NFIB: variants seen among roughly 807,000 people sequenced by gnomAD.
The protein encoded by NFIB is nuclear factor 1 B-type.
A neutral mutation model predicts 61.5 loss-of-function variants in NFIB; 11 were observed. The observed-to-expected ratio is 0.18, with a 90% CI of 0.11 to 0.30. NFIB has a LOEUF of 0.30. Among genes scored for constraint, NFIB ranks in the 10% least tolerant of loss-of-function variants. The pLI is 1.00. For missense variants in NFIB, 471 were observed against 608.9 expected (o/e 0.77, Z 2.38); for synonymous variants, 260 against 216.5 (o/e 1.20, Z -1.76).
At chr9:14,175,963 C>G (rs1030279950) in intron 3 of NFIB, among the ~76,000 whole-genome samples, 7 of 152,128 alleles carry the variant, frequency 4.6e-5, no homozygotes, top group Non-Finnish European at 1.0e-4. Context: ...TTGGATTTTA[C>G]CCATTCTAGG....
At chr9:14,425,197 C>G in the NFIB span, among the ~76,000 whole-genome samples, 1 of 152,144 alleles carries the variant, frequency 6.6e-6, no homozygotes, top group Admixed American at 6.5e-5. Flanking sequence ...AAATTGTCAG[C>G]GAGCCTTGCT....
At chr9:14,518,711 G>A in the NFIB span, among the ~76,000 whole-genome samples, 2 of 152,114 alleles carry the variant, frequency 1.3e-5, no homozygotes, top group African/African-American at 4.8e-5. Context: ...AAGGGAAGCT[G>A]AAGAACTACT....
At chr9:14,306,031 A>C (rs2059999198) in intron 2 of NFIB, 1 of 980,944 alleles carries the variant, frequency 1.0e-6, no homozygotes, top group Non-Finnish European at 1.4e-6. Context: ...ACTTAAGGAA[A>C]ATATATTAAG....
At chr9:14,406,919 G>C in the NFIB span, among the ~76,000 whole-genome samples, 1 of 152,184 alleles carries the variant, frequency 6.6e-6, no homozygotes, top group African/African-American at 2.4e-5. Flanking sequence ...TGAACTGTGA[G>C]TGAGAAATAC....
chr9:14,152,493 G>A (rs979622831), intron 4 of NFIB, among the ~76,000 whole-genome samples: 1 of 152,202 alleles, frequency 6.6e-6, no homozygotes, highest in East Asian at 1.9e-4. Flanking sequence ...TAAACAATCT[G>A]TCTGGCTTCC....
At chr9:14,446,809 G>A in the NFIB span, among the ~76,000 whole-genome samples, 8 of 152,018 alleles carry the variant, frequency 5.3e-5, no homozygotes, top group South Asian at 2.1e-4. Flanking sequence ...CAACTTCTGC[G>A]CATTACTCAA....
chr9:14,094,255 A>G (rs1365060276), intron 10 of NFIB: 1 of 152,108 alleles, frequency 6.6e-6, no homozygotes, highest in African/African-American at 2.4e-5. Context: ...TATGCAAGAG[A>G]CTTTGTGAAT....
chr9:14,322,825 C>A (rs1588309487), intron 1 of NFIB, among the ~76,000 whole-genome samples: 1 of 151,702 alleles, frequency 6.6e-6, no homozygotes, highest in Non-Finnish European at 1.5e-5. Context: ...GGTCTTTGTG[C>A]GGCCGCATGG....
chr9:14,339,497 T>C (rs2060925189), intron 1 of NFIB, among the ~76,000 whole-genome samples: 1 of 152,216 alleles, frequency 6.6e-6, no homozygotes, highest in South Asian at 2.1e-4. Context: ...AACATCATTA[T>C]AATCACTTCT....
the NFIB span, among the ~76,000 whole-genome samples, chr9:14,444,189 C>G: frequency 6.6e-6 from 1 of 152,136 alleles, no homozygotes; most frequent in African/African-American, 2.4e-5. Flanking sequence ...GTACATGAAC[C>G]AGGAACTCAC....
chr9:14,220,845 A>ACC lies in NFIB; in HGVS notation c.563-41066_563-41065insGG, dbSNP rs1554677585. On this transcript the variant is annotated intron_variant, in intron 2 of 10. Coordinates refer to ENST00000380953, the MANE Select transcript of NFIB (RefSeq NM_001190737.2). ...TATCCAGTGAAATCAATCTCCCTAC[A>ACC]CACACACACACACACACACACACAC... 2.0e-3 allele frequency among the ~76,000 whole-genome samples: 198 copies of ACC among 97,206 alleles called. 4 individuals are homozygous for ACC. Among genetic ancestry groups the ACC allele is most frequent in the East Asian group, 0.014 (36 of 2,556 alleles). The allele number at this position is 97,206 out of a possible 152,430, so 63.8% of individuals were successfully genotyped here. A position where few individuals can be genotyped will look rare whatever the true frequency, so the allele number is the denominator to read the frequency against.
intron 2 of NFIB, among the ~76,000 whole-genome samples, chr9:14,186,165 G>A (rs1438160712): frequency 6.6e-6 from 1 of 152,168 alleles, no homozygotes; most frequent in Non-Finnish European, 1.5e-5. Flanking sequence ...GTCCCCTGTG[G>A]CTCTAAAATT....
At chr9:14,143,611 A>G (rs181671074) in intron 6 of NFIB, among the ~76,000 whole-genome samples, 182 of 152,306 alleles carry the variant, frequency 1.2e-3, no homozygotes, top group African/African-American at 4.2e-3. Context: ...ACACAAGCAT[A>G]TTTTAATTAA....
chr9:14,130,299 A>G (rs913023319), intron 6 of NFIB, among the ~76,000 whole-genome samples: 7 of 152,124 alleles, frequency 4.6e-5, no homozygotes, highest in Admixed American at 2.6e-4. Flanking sequence ...AGTGAAGCTA[A>G]TTTTCTTATG....
At chr9:14,517,431 A>T in the NFIB span, among the ~76,000 whole-genome samples, 1 of 152,220 alleles carries the variant, frequency 6.6e-6, no homozygotes, top group Non-Finnish European at 1.5e-5. Flanking sequence ...AATGCTGCTG[A>T]TAAGGATTAT....
At chr9:14,462,344 G>A in the NFIB span, among the ~76,000 whole-genome samples, 4 of 150,304 alleles carry the variant, frequency 2.7e-5, no homozygotes, top group South Asian at 2.1e-4. Flanking sequence ...GTGCAGTGGC[G>A]CGATCTTGGC....
At chr9:14,452,161 T>C in the NFIB span, among the ~76,000 whole-genome samples, 6 of 152,086 alleles carry the variant, frequency 3.9e-5, no homozygotes, top group African/African-American at 1.4e-4. Context: ...GTGTTTCTAA[T>C]GAGTAATAAA....
chr9:14,505,776 G>T, the NFIB span, among the ~76,000 whole-genome samples: 1 of 152,068 alleles, frequency 6.6e-6, no homozygotes, highest in East Asian at 1.9e-4. Flanking sequence ...CCCCCACCTG[G>T]GTATCAAAGG....
At chr9:14,315,152 G>T (rs1053901766), upstream of NFIB, among the ~76,000 whole-genome samples, 1 of 151,888 alleles carries the variant, frequency 6.6e-6, no homozygotes, top group Non-Finnish European at 1.5e-5. Context: ...GTGGACCAGG[G>T]GGGTGCGGCG....
Sources: gnomAD v4.1 joint callset for allele counts (sites outside exome capture counted in the v4.1 genomes callset) on GRCh38, gnomAD v4.1.1 for gene constraint, MANE v1.5 for transcripts, NCBI Gene and HGNC (gene_info 2026-07-23, HGNC 2026-07-21) for gene names.